Variants in ZNF331 observed in about 807,000 individuals in gnomAD.
ZNF331 encodes the protein C2H2-like zinc finger protein rearranged in thyroid adenomas.
In ZNF331, 2 loss-of-function variants were observed where a neutral mutation model predicts 7.0. The ratio of observed to expected loss-of-function variants is 0.29; its 90% CI spans 0.12 to 0.90. The LOEUF (loss-of-function observed/expected upper bound fraction) is 0.90. Ranked by LOEUF, ZNF331 falls within the 40% of genes least tolerant of loss-of-function variation. The pLI, the probability that ZNF331 is intolerant of heterozygous loss-of-function variation, is 0.58. For missense variants in ZNF331, 432 were observed against 587.7 expected, an observed-to-expected ratio of 0.74 and a Z score of 2.74; for synonymous variants, 196 against 205.4, an observed-to-expected ratio of 0.95 and a Z score of 0.39.
chr19:53,551,873 G>A (rs963160618), intron 2 of ZNF331, among the ~76,000 whole-genome samples: 1 of 152,112 alleles, frequency 6.6e-6, no homozygotes. Context: ...TGAAGCATTC[G>A]AGGATTTTGA....
At chr19:53,563,518 T>A (rs2090001409) in intron 3 of ZNF331, among the ~76,000 whole-genome samples, 1 of 152,186 alleles carries the variant, frequency 6.6e-6, no homozygotes, top group Non-Finnish European at 1.5e-5. Context: ...CTTCACACAT[T>A]AAGCTCTGAA....
chr19:53,567,666 G>C (rs544546053), intron 3 of ZNF331, among the ~76,000 whole-genome samples: 1 of 151,598 alleles, frequency 6.6e-6, no homozygotes, highest in African/African-American at 2.4e-5. Flanking sequence ...GGGAAATATA[G>C]TGAGACGCAA....
intron 2 of ZNF331, among the ~76,000 whole-genome samples, chr19:53,546,925 A>G (rs944814311): frequency 1.3e-5 from 2 of 152,106 alleles, no homozygotes; most frequent in Admixed American, 1.3e-4. Context: ...AATGTTGAGT[A>G]TGAGTTCTGG....
the ZNF331 span, among the ~76,000 whole-genome samples, chr19:53,506,508 G>GTCTGTCTCTCTC: frequency 1.2e-5 from 1 of 85,494 alleles, no homozygotes; most frequent in African/African-American, 5.1e-5. Flanking sequence ...CTCTCTCTCT[G>GTCTGTCTCTCTC]TCTCTCTCTC....
intron 2 of ZNF331, among the ~76,000 whole-genome samples, chr19:53,541,812 G>A (rs567236244): frequency 1.3e-5 from 2 of 152,276 alleles, no homozygotes; most frequent in African/African-American, 4.8e-5. Flanking sequence ...TCTGAGACCA[G>A]CCTGGGCAAC....
upstream of ZNF331, among the ~76,000 whole-genome samples, chr19:53,534,594 C>T (rs35613832): frequency 0.1 from 15,715 of 152,116 alleles, 933 homozygotes; most frequent in Middle Eastern, 0.19. Flanking sequence ...CCCTATCCTA[C>T]ACCTTTAAAC....
intron 2 of ZNF331, chr19:53,523,179 G>A (rs1216945909): frequency 6.6e-6 from 1 of 151,750 alleles, no homozygotes; most frequent in African/African-American, 2.4e-5. Context: ...TTGTCATGAG[G>A]ACATTTAAAC....
chr19:53,522,480 C>T (rs1328891665), intron 1 of ZNF331: 1 of 152,052 alleles, frequency 6.6e-6, no homozygotes, highest in Non-Finnish European at 1.5e-5. Context: ...CATGATCCGC[C>T]CCCGTCGGCT....
the ZNF331 span, among the ~76,000 whole-genome samples, chr19:53,508,337 C>T: frequency 6.6e-6 from 1 of 152,266 alleles, no homozygotes; most frequent in East Asian, 1.9e-4. Context: ...TCCAGCCGCA[C>T]CACGTGACCC....
intron 2 of ZNF331, among the ~76,000 whole-genome samples, chr19:53,545,506 C>T (rs757951553): frequency 7.9e-5 from 12 of 152,154 alleles, no homozygotes; most frequent in Admixed American, 2.6e-4. Context: ...GTGGCTCGCC[C>T]GGCATCACCC....
exon 1 of ZNF331, chr19:53,522,034 C>G (rs8100455): frequency 0.32 from 48,814 of 151,902 alleles, 8,000 homozygotes; most frequent in Middle Eastern, 0.42. Flanking sequence ...ACTACCTGGA[C>G]GACAAGAGGA....
chr19:53,504,585 CTG>C, the ZNF331 span, among the ~76,000 whole-genome samples: 1 of 152,118 alleles, frequency 6.6e-6, no homozygotes, highest in Admixed American at 6.5e-5. Context: ...TGCCTCATCT[CTG>C]TGTCCCTCGG....
At chr19:53,556,483 T>C (rs1440568188) in intron 3 of ZNF331, among the ~76,000 whole-genome samples, 2 of 151,356 alleles carry the variant, frequency 1.3e-5, no homozygotes, top group African/African-American at 4.9e-5. Flanking sequence ...GGGCAAACTT[T>C]TTTTTTTTAA....
At chr19:53,527,111 C>G (rs2087331914) in intron 2 of ZNF331, among the ~76,000 whole-genome samples, 1 of 151,782 alleles carries the variant, frequency 6.6e-6, no homozygotes, top group African/African-American at 2.4e-5. Context: ...ATCACTTGAA[C>G]CCGGGAGTTG....
At position 53,577,662 on chromosome 19, in the gene ZNF331, T is replaced by C; in HGVS notation, c.1102T>C (p.Tyr368His). ...ATGTGGGAAGGCCTTCAATTGTGGC[T>C]ATCACCTCACTCAGCACGAGAGAAT... ...TECGKAFNCGYHLTQHERIHT... is the reference protein window; with the variant it reads ...TECGKAFNCGHHLTQHERIHT... The change falls in exon 6 of 6, where the codon TAT (tyrosine) becomes CAT (histidine). Residue 368 changes from tyrosine (Y) to histidine (H), a missense_variant. Physicochemically the swap from Tyr to His is moderately conservative, Grantham distance 83. This residue lies in a region of ZNF331 where 312 missense variants were observed against 448.6 expected (regional missense o/e 0.70). Transcript: ENST00000449416. The C allele has an allele frequency of 6.2e-7, 1 of 1,613,606 alleles. No individual in the cohort carries two copies. The highest frequency in any genetic ancestry group is 8.5e-7 in the Non-Finnish European group (1 of 1,179,900).
At position 53,579,303 on chromosome 19, in the gene ZNF331, C is replaced by T. The variant is rs1431456015; in HGVS notation, c.*1351C>T. 3 of 221,168 alleles carry T rather than the reference C, an allele frequency of 1.4e-5. No homozygotes were observed. Among genetic ancestry groups the T allele is most frequent in the East Asian group, 6.5e-5 (1 of 15,296 alleles). The allele number at this position is 221,168 out of a possible 1,614,324, so 13.7% of individuals were successfully genotyped here. A position where few individuals can be genotyped will look rare whatever the true frequency, so the allele number is the denominator to read the frequency against. ...GTGGAATAACCCTGCTAATGTAACA[C>T]GTGAGAAAGCCTTTGGTCATGCCAC... On this transcript the variant is annotated 3_prime_UTR_variant, in exon 6 of 6. Coordinates refer to ENST00000449416, the MANE Select transcript of ZNF331 (RefSeq NM_001079906.2).
At chr19:53,544,935 T>G (rs1054219147) in intron 2 of ZNF331, among the ~76,000 whole-genome samples, 9 of 152,052 alleles carry the variant, frequency 5.9e-5, no homozygotes, top group African/African-American at 2.2e-4. Context: ...GGTTTCACCA[T>G]GTTGGCCAGG....
At chr19:53,564,668 A>G (rs2147587922) in intron 3 of ZNF331, among the ~76,000 whole-genome samples, 1 of 152,352 alleles carries the variant, frequency 6.6e-6, no homozygotes, top group Non-Finnish European at 1.5e-5. Flanking sequence ...TCATTAGTAA[A>G]TGTATTCCAT....
intron 3 of ZNF331, among the ~76,000 whole-genome samples, chr19:53,567,401 T>G (rs1020538023): frequency 2.0e-5 from 3 of 152,138 alleles, no homozygotes; most frequent in Non-Finnish European, 4.4e-5. Context: ...CTGAATACTC[T>G]GAGCACCCAC....
Sources: allele counts gnomAD v4.1 joint callset (sites outside exome capture counted in the v4.1 genomes callset), GRCh38; gene constraint gnomAD v4.1.1; regional missense constraint gnomAD v4.1.1; transcripts MANE v1.5; gene names NCBI Gene and HGNC (gene_info 2026-07-23, HGNC 2026-07-21).